FIP1L1: variants seen among roughly 807,000 people sequenced by gnomAD.
FIP1L1 encodes the protein pre-mRNA 3'-end-processing factor FIP1.
FIP1L1 carries 21 observed loss-of-function variants against 84.6 expected under a neutral mutation model. The ratio of observed to expected loss-of-function variants is 0.25; its 90% confidence interval spans 0.18 to 0.36. FIP1L1 has a LOEUF of 0.36. FIP1L1 is among the 10% of genes least tolerant of loss of function. FIP1L1 has a pLI of 1.00. For synonymous variants in FIP1L1, 263 were observed against 242.3 expected (o/e 1.09, Z -0.80); for missense variants, 526 against 751.1 (o/e 0.70, Z 3.50).
Position 53,377,835 on chromosome 4 carries a change from G to A in FIP1L1, c.-4G>A, listed in dbSNP as rs1735358826. ...GCCGCGTTTAAGTTGCGCTCGGGGC[G>A]GCCATGTCGGCCGGCGAGGTCGAGC... On this transcript the variant is annotated 5_prime_UTR_variant, in exon 1 of 18. Transcript: ENST00000337488. 6.4e-7 allele frequency: 1 copy of A among 1,572,740 alleles called. No individual in the cohort carries two copies. The highest frequency in any genetic ancestry group is 1.4e-5 in the African/African-American group (1 of 73,946).
At chr4:53,421,131 A>G (rs936672085) in intron 11 of FIP1L1, among the ~76,000 whole-genome samples, 1 of 152,216 alleles carries the variant, frequency 6.6e-6, no homozygotes, top group African/African-American at 2.4e-5. Flanking sequence ...CTGGGTTGGC[A>G]TAAAGATTAA....
intron 11 of FIP1L1, among the ~76,000 whole-genome samples, chr4:53,416,248 C>G (rs530839968): frequency 1.3e-5 from 2 of 152,294 alleles, no homozygotes; most frequent in Non-Finnish European, 2.9e-5. Context: ...AGCCTATTTA[C>G]TGAACCTAAA....
chr4:53,441,777 G>C (rs1772046629), intron 13 of FIP1L1, among the ~76,000 whole-genome samples: 1 of 151,936 alleles, frequency 6.6e-6, no homozygotes, highest in Non-Finnish European at 1.5e-5. Flanking sequence ...AATACCTCTT[G>C]TTCTCATTTA....
intron 3 of FIP1L1, among the ~76,000 whole-genome samples, chr4:53,380,889 T>A (rs1737502030): frequency 6.6e-6 from 1 of 152,172 alleles, no homozygotes; most frequent in Non-Finnish European, 1.5e-5. Context: ...TTCTATATGA[T>A]AATCTTTATC....
intron 10 of FIP1L1, among the ~76,000 whole-genome samples, chr4:53,400,045 G>T (rs759117892): frequency 4.6e-5 from 7 of 152,266 alleles, no homozygotes; most frequent in Middle Eastern, 3.4e-3. Flanking sequence ...GTGAAGTGCG[G>T]TATATAGTTT....
At chr4:53,451,874 GA>G (rs1716200569) in intron 15 of FIP1L1, among the ~76,000 whole-genome samples, 2 of 148,768 alleles carry the variant, frequency 1.3e-5, no homozygotes, top group African/African-American at 5.0e-5. Flanking sequence ...TTCTCTATCT[GA>G]TAGACATTCC....
intron 15 of FIP1L1, among the ~76,000 whole-genome samples, chr4:53,450,399 A>G (rs1302327117): frequency 6.6e-6 from 1 of 152,178 alleles, no homozygotes; most frequent in African/African-American, 2.4e-5. Flanking sequence ...CAAATCTGTT[A>G]CTCTCATCCT....
intron 11 of FIP1L1, among the ~76,000 whole-genome samples, chr4:53,417,642 C>CAA (rs57635694): frequency 0.17 from 7,945 of 46,140 alleles, 1,530 homozygotes; most frequent in Non-Finnish European, 0.24. Context: ...AACTCCTTCT[C>CAA]AAAAAAAAAA....
intron 10 of FIP1L1, among the ~76,000 whole-genome samples, chr4:53,408,551 G>T (rs909981330): frequency 6.6e-6 from 1 of 152,178 alleles, no homozygotes; most frequent in Non-Finnish European, 1.5e-5. Context: ...TGCCTTGCTA[G>T]ATTGGGGAAG....
In FIP1L1 at chr4:53,377,720, G is replaced by C; in HGVS notation, c.-119G>C. On this transcript the variant is annotated 5_prime_UTR_variant, in exon 1 of 18. Coordinates refer to ENST00000337488, the MANE Select transcript of FIP1L1 (RefSeq NM_030917.4). ...CGCCTTCCTGGGATTGGAGTCTCGA[G>C]CTTTCTTCGTTCGTTCGTCGGCGGG... The C allele has an allele frequency of 1.1e-6, 1 of 925,236 alleles. No homozygotes were observed. The highest frequency in any genetic ancestry group is 1.6e-6 in the Non-Finnish European group (1 of 642,792). The allele number at this position is 925,236 out of a possible 1,614,324, so 57.3% of individuals were successfully genotyped here.
intron 10 of FIP1L1, among the ~76,000 whole-genome samples, chr4:53,409,813 C>T (rs1269853667): frequency 6.6e-6 from 1 of 152,230 alleles, no homozygotes; most frequent in Non-Finnish European, 1.5e-5. Flanking sequence ...GATATAATCT[C>T]CTGGTGCGCC....
At chr4:53,385,953 C>T (rs1408995529) in intron 5 of FIP1L1, among the ~76,000 whole-genome samples, 2 of 151,562 alleles carry the variant, frequency 1.3e-5, no homozygotes, top group African/African-American at 2.4e-5. Context: ...TTATGCACAG[C>T]GTTTTCAGAA....
chr4:53,378,917 T>C (rs1736249854), intron 1 of FIP1L1, 156 bp from the exon 2 acceptor site: 1 of 733,204 alleles, frequency 1.4e-6, no homozygotes. Context: ...CTTTGAAATG[T>C]GAATGTGTAG....
At position 53,377,922 on chromosome 4, in the gene FIP1L1, C is replaced by G. The variant is rs780683372; in HGVS notation, c.84C>G (p.Gly28=). 2 of 1,589,872 alleles carry G rather than the reference C, an allele frequency of 1.3e-6. No homozygotes were observed. Among genetic ancestry groups the G allele is most frequent in the Non-Finnish European group, 8.6e-7 (1 of 1,167,696 alleles). Residue 28 remains glycine, a splice_region_variant and synonymous_variant, in exon 1 of 18, where the codon GGC becomes GGG. Coordinates refer to ENST00000337488, the MANE Select transcript of FIP1L1 (RefSeq NM_030917.4). ...ATGAGGAGGAAGAGTGGCTCTATGG[C>G]GGTACGAAACTTCCTGTCTCTGTCT... ...GGDEEEEWLY[G]GPWDVHVHSD...
At chr4:53,408,945 C>A (rs1295990125) in intron 10 of FIP1L1, among the ~76,000 whole-genome samples, 2 of 33,744 alleles carry the variant, frequency 5.9e-5, no homozygotes, top group Non-Finnish European at 2.6e-4. Context: ...TTTGAATTTC[C>A]TCCCGTAGCT....
rs535568878 is a variant in FIP1L1, at chr4:53,427,986, ATATT to A, written c.1018-37_1018-34del. The stretch of plus-strand genomic sequence containing the variant: ...AATTTACTAAGATTAATCTTACATA[ATATT>A]TATGCATCTGTTTAATTAACTGTGC... On this transcript the variant is annotated intron_variant, in intron 12 of 17. Transcript: ENST00000337488. The A allele has an allele frequency of 3.5e-6, 5 of 1,425,550 alleles. No individual in the cohort carries two copies. The African/African-American group carries it at 5.7e-5, about 16-fold the overall frequency. The allele number at this position is 1,425,550 out of a possible 1,614,324, so 88.3% of individuals were successfully genotyped here.
intron 10 of FIP1L1, among the ~76,000 whole-genome samples, chr4:53,405,118 CTTCT>C (rs1278928809): frequency 6.6e-6 from 1 of 152,116 alleles, no homozygotes; most frequent in Non-Finnish European, 1.5e-5. Context: ...CCTAGGTTTT[CTTCT>C]AGGGTTTTTA....
At chr4:53,449,095 C>T (rs1396353817) in intron 15 of FIP1L1, among the ~76,000 whole-genome samples, 2 of 151,554 alleles carry the variant, frequency 1.3e-5, no homozygotes, top group African/African-American at 4.8e-5. Flanking sequence ...TTGTTTGTCC[C>T]TTTTTTTGTT....
chr4:53,458,712 C>G lies in FIP1L1; in HGVS notation c.1559C>G (p.Ala520Gly), dbSNP rs1435735997. Residue 520 changes from alanine (A) to glycine (G), a missense_variant, in exon 17 of 18, where the codon GCA (alanine) becomes GGA (glycine). Coordinates refer to ENST00000337488, the MANE Select transcript of FIP1L1 (RefSeq NM_030917.4). ...YAERGYERHR[A>G]SREKEERHRE... ...GAAAGAGGTTATGAGCGTCACAGAG[C>G]AAGTCGAGAAAAAGAAGAACGACAT... 7 of 1,612,708 alleles carry G rather than the reference C, an allele frequency of 4.3e-6. No individual in the cohort carries two copies. Among genetic ancestry groups the G allele is most frequent in the Non-Finnish European group, 5.1e-6 (6 of 1,179,294 alleles).
Sources: allele counts gnomAD v4.1 joint callset (sites outside exome capture counted in the v4.1 genomes callset), GRCh38; gene constraint gnomAD v4.1.1; transcripts MANE v1.5; gene names NCBI Gene and HGNC (gene_info 2026-07-23, HGNC 2026-07-21).